The following BOP1 variants were observed in gnomAD, a reference collection of about 807,000 sequenced individuals.
The protein encoded by BOP1 is ribosome biogenesis protein BOP1.
A neutral mutation model predicts 82.9 loss-of-function variants in BOP1; 54 were observed. The observed-to-expected ratio is 0.65, with a 90% CI of 0.52 to 0.82. The LOEUF (loss-of-function observed/expected upper bound fraction) is 0.82. BOP1 is among the 40% of genes least tolerant of loss of function. The pLI, the probability that BOP1 is intolerant of heterozygous loss-of-function variation, is 0.00. For synonymous variants in BOP1, 566 were observed against 451.1 expected, an observed-to-expected ratio of 1.25 and a Z score of -3.23; for missense variants, 1,170 against 1,072.0, an observed-to-expected ratio of 1.09 and a Z score of -1.28.
chr8:144,283,799 G>GGT (rs1375576095), intron 2 of BOP1, among the ~76,000 whole-genome samples: 2 of 152,196 alleles, frequency 1.3e-5, no homozygotes, highest in African/African-American at 2.4e-5. Flanking sequence ...CCTAGCGGAG[G>GGT]GACGCTCCAA....
At position 144,264,753 on chromosome 8, in the gene BOP1, C is replaced by T. The variant is rs1845317315; in HGVS notation, c.624G>A (p.Gln208=). 1.3e-6 allele frequency: 2 copies of T among 1,594,558 alleles called. No homozygotes were observed. The highest frequency in any genetic ancestry group is 1.3e-5 in the African/African-American group (1 of 74,614). The change falls in exon 5 of 16, where the codon CAG becomes CAA. Residue 208 remains glutamine, a synonymous_variant. Coordinates refer to ENST00000569669, the MANE Select transcript of BOP1 (RefSeq NM_015201.5). ...AGCCCACATCCCCAAACTGGCCACT[C>T]TGCAGCCGCCGCACCAGGGCCACCT... ...DEQVALVRRL[Q]SGQFGDVGFN... is the part of the protein sequence containing the mutation.
chr8:144,289,419 TC>T, intron 1 of BOP1, 115 bp from the exon 2 acceptor site: 1 of 1,088,220 alleles, frequency 9.2e-7, no homozygotes, highest in Non-Finnish European at 1.3e-6. Context: ...CCATGTGGCC[TC>T]CAGGACCACA....
intron 3 of BOP1, among the ~76,000 whole-genome samples, chr8:144,273,768 G>T (rs1212789317): frequency 1.3e-5 from 2 of 150,876 alleles, no homozygotes; most frequent in African/African-American, 5.0e-5. Context: ...CGGGGGCGGG[G>T]CAGCCGCAGC....
At chr8:144,268,029 C>T in intron 3 of BOP1, 2 of 1,547,408 alleles carry the variant, frequency 1.3e-6, no homozygotes, top group Admixed American at 3.9e-5. Context: ...AGATGGCACC[C>T]AGCAGGGAGG....
intron 3 of BOP1, among the ~76,000 whole-genome samples, chr8:144,266,294 G>A (rs1321109511): frequency 6.6e-6 from 1 of 151,962 alleles, no homozygotes; most frequent in Non-Finnish European, 1.5e-5. Flanking sequence ...TGCCCCCAAA[G>A]ACCAGCCCCG....
intron 2 of BOP1, among the ~76,000 whole-genome samples, chr8:144,283,729 A>G (rs1814782053): frequency 6.6e-6 from 1 of 152,234 alleles, no homozygotes; most frequent in South Asian, 2.1e-4. Flanking sequence ...CAACACCATG[A>G]GGGAGGCTGG....
chr8:144,263,158 CTGGCTGAG>C lies in BOP1; in HGVS notation c.1606-25_1606-18del. On this transcript the variant is annotated intron_variant, in intron 12 of 15. Transcript: ENST00000569669. ...CGTCACTGGCTGCAGGAGAGCAAGGCTGGCTGAGTGGCTGAGCCGGGCCCCTCCCGCTG... is the reference window on the plus strand; with the variant it reads ...CGTCACTGGCTGCAGGAGAGCAAGGCTGGCTGAGCCGGGCCCCTCCCGCTG... 1 of 1,593,412 alleles carries C rather than the reference CTGGCTGAG, an allele frequency of 6.3e-7. No individual in the cohort carries two copies. The highest frequency in any genetic ancestry group is 8.5e-7 in the Non-Finnish European group (1 of 1,178,706).
At position 144,263,975 on chromosome 8, in the gene BOP1, A is replaced by G; in HGVS notation, c.1140+6T>C. On this transcript the variant is annotated splice_donor_region_variant and intron_variant, in intron 8 of 15. Transcript: ENST00000569669. ...GCCACCCCCCTGGTGTGCCACCCCC[A>G]CACACCCTCATCTTGCGCTGCCGTG... 2 of 1,610,400 alleles carry G rather than the reference A, an allele frequency of 1.2e-6. No homozygotes were observed. Among genetic ancestry groups the G allele is most frequent in the African/African-American group, 1.3e-5 (1 of 74,964 alleles).
chr8:144,273,562 C>A (rs1554838051), intron 3 of BOP1, among the ~76,000 whole-genome samples: 1 of 152,242 alleles, frequency 6.6e-6, no homozygotes, highest in Non-Finnish European at 1.5e-5. Flanking sequence ...GTGGCTGCAT[C>A]CTCTGCCTGA....
intron 3 of BOP1, among the ~76,000 whole-genome samples, chr8:144,270,628 C>A (rs1845477476): frequency 6.6e-6 from 1 of 152,132 alleles, no homozygotes; most frequent in Admixed American, 6.5e-5. Flanking sequence ...TCCACTGCTC[C>A]AGAAATTCAA....
chr8:144,276,909 C>T (rs1365287768), intron 2 of BOP1, among the ~76,000 whole-genome samples: 1 of 152,242 alleles, frequency 6.6e-6, no homozygotes, highest in African/African-American at 2.4e-5. Flanking sequence ...GCCTGCCCAG[C>T]GTTCTCCCAC....
chr8:144,271,245 C>G (rs1477161581), intron 3 of BOP1, among the ~76,000 whole-genome samples: 2 of 152,260 alleles, frequency 1.3e-5, no homozygotes, highest in East Asian at 3.9e-4. Context: ...CTTCCCTCCC[C>G]CTCCCCAAAG....
At chr8:144,278,363 CCA>C (rs1167318540) in intron 2 of BOP1, among the ~76,000 whole-genome samples, 1 of 152,210 alleles carries the variant, frequency 6.6e-6, no homozygotes, top group African/African-American at 2.4e-5. Context: ...AGGGAGAAAC[CCA>C]CAGTGGGCTC....
At chr8:144,281,083 C>T (rs375543427) in intron 2 of BOP1, among the ~76,000 whole-genome samples, 1,159 of 53,772 alleles carry the variant, frequency 0.022, 308 homozygotes, top group African/African-American at 0.05. Flanking sequence ...CTTCGGCCTT[C>T]TCTCACTTTA....
rs1845226268 is a variant in BOP1 at position 144,262,478 on chromosome 8, C to T, written c.2005G>A (p.Val669Met). Residue 669 changes from valine (V) to methionine (M), a missense_variant, in exon 15 of 16, where the codon GTG becomes ATG. Val to Met is a conservative substitution (Grantham distance 21, BLOSUM62 1). Coordinates refer to ENST00000569669, the MANE Select transcript of BOP1 (RefSeq NM_015201.5). ...AGTGGGTACCGCGGGTGGAAGGCCA[C>T]AGCCCGCAGAGCCTTCTTGTGGTGT... ...LRHHKKALRA[V>M]AFHPRYPLFA... The T allele has an allele frequency of 6.2e-7, 1 of 1,612,804 alleles. No individual in the cohort carries two copies. The highest frequency in any genetic ancestry group is 1.3e-5 in the African/African-American group (1 of 74,906).
At chr8:144,274,959 C>T (rs1018120010) in intron 3 of BOP1, among the ~76,000 whole-genome samples, 10 of 152,230 alleles carry the variant, frequency 6.6e-5, no homozygotes, top group Non-Finnish European at 8.8e-5. Flanking sequence ...GTGGCCCCCC[C>T]GCTCTGAGTG....
chr8:144,274,180 G>A (rs1388317601), intron 3 of BOP1, among the ~76,000 whole-genome samples: 1 of 151,466 alleles, frequency 6.6e-6, no homozygotes, highest in Non-Finnish European at 1.5e-5. Context: ...ATCGCCGCTC[G>A]CAGGAGCACA....
intron 3 of BOP1, among the ~76,000 whole-genome samples, chr8:144,269,252 G>C (rs1417724277): frequency 6.6e-6 from 1 of 152,254 alleles, no homozygotes; most frequent in East Asian, 1.9e-4. Flanking sequence ...GAGAGAAGAA[G>C]GGCGGTGCTG....
At chr8:144,267,843 C>G (rs1017991167) in intron 3 of BOP1, among the ~76,000 whole-genome samples, 28 of 152,334 alleles carry the variant, frequency 1.8e-4, no homozygotes, top group Middle Eastern at 6.8e-3. Flanking sequence ...AAATACGGCA[C>G]GGCTTTTCCC....
Sources: gnomAD v4.1 joint callset for allele counts (sites outside exome capture counted in the v4.1 genomes callset) on GRCh38, gnomAD v4.1.1 for gene constraint, MANE v1.5 for transcripts, NCBI Gene and HGNC (gene_info 2026-07-23, HGNC 2026-07-21) for gene names.